UBE2H: variants seen among roughly 807,000 people sequenced by gnomAD.
The protein encoded by UBE2H is ubiquitin conjugating enzyme E2 H.
Under a neutral mutation model 29.0 loss-of-function variants are expected in UBE2H, and 3 were observed. That is an observed-to-expected ratio of 0.10 (90% CI 0.05 to 0.27). UBE2H has a LOEUF of 0.27. Among genes scored for constraint, UBE2H ranks in the 10% least tolerant of loss-of-function variants. UBE2H has a pLI of 1.00. For synonymous variants in UBE2H, 69 were observed against 82.9 expected, an observed-to-expected ratio of 0.83 and a Z score of 0.91; for missense variants, 68 against 228.2, an observed-to-expected ratio of 0.30 and a Z score of 4.52.
chr7:129,876,018 C>T (rs191527541), intron 3 of UBE2H, among the ~76,000 whole-genome samples: 48 of 152,276 alleles, frequency 3.2e-4, no homozygotes, highest in African/African-American at 1.2e-3. Context: ...TACGCTCTCT[C>T]TTCTAAATTG....
At chr7:129,940,688 T>C (rs1247836760) in intron 1 of UBE2H, among the ~76,000 whole-genome samples, 1 of 152,160 alleles carries the variant, frequency 6.6e-6, no homozygotes, top group Non-Finnish European at 1.5e-5. Flanking sequence ...CCCCAGGCTC[T>C]TGAGGATTTG....
chr7:129,895,584 T>C (rs12533290), intron 1 of UBE2H, among the ~76,000 whole-genome samples: 9,497 of 151,920 alleles, frequency 0.063, 366 homozygotes, highest in Non-Finnish European at 0.092. Flanking sequence ...CCCAACTCCC[T>C]CTCCCCAAAA....
chr7:129,931,884 G>A (rs1807409587), intron 1 of UBE2H, among the ~76,000 whole-genome samples: 1 of 143,680 alleles, frequency 7.0e-6, no homozygotes, highest in African/African-American at 2.6e-5. Context: ...CACCCAGGCT[G>A]GAGTGCAGTG....
chr7:129,922,902 CTTTT>C (rs764774966), intron 1 of UBE2H, among the ~76,000 whole-genome samples: 2 of 151,472 alleles, frequency 1.3e-5, no homozygotes, highest in East Asian at 3.9e-4. Context: ...TGAGATTTTT[CTTTT>C]TTTTCTTTTT....
intron 6 of UBE2H, among the ~76,000 whole-genome samples, chr7:129,835,597 C>T (rs1281799254): frequency 1.3e-5 from 2 of 152,164 alleles, no homozygotes; most frequent in African/African-American, 2.4e-5. Context: ...GACTAAGCTG[C>T]TATACGGAGA....
rs539303082 is a variant in UBE2H, at chr7:129,952,662, A to G, written c.-107T>C. The G allele has an allele frequency of 4.5e-5, 61 of 1,350,044 alleles. No homozygotes were observed. The South Asian group carries it at 8.6e-4, about 19-fold the overall frequency. The allele number at this position is 1,350,044 out of a possible 1,614,324, so 83.6% of individuals were successfully genotyped here. ...CCGGCTCCTCGGTGGAGGTGGCAAC[A>G]CCCCCGCGGTCCCGGCGGTCCCGTC... On this transcript the variant is annotated 5_prime_UTR_variant, in exon 1 of 7. Transcript: ENST00000355621.
chr7:129,857,239 ATGTGTGTGCGCATGTACT>A, intron 5 of UBE2H: 1 of 424,378 alleles, frequency 2.4e-6, no homozygotes. Context: ...ACATGTATTC[ATGTGTGTGCGCATGTACT>A]CATGTGTGTG....
chr7:129,857,647 G>A, intron 4 of UBE2H, 84 bp from the exon 5 acceptor site: 1 of 1,394,938 alleles, frequency 7.2e-7, no homozygotes, highest in South Asian at 1.2e-5. Flanking sequence ...TACTTATCAA[G>A]AGAAATACTT....
chr7:129,901,715 C>G (rs1340070007), intron 1 of UBE2H, among the ~76,000 whole-genome samples: 1 of 152,182 alleles, frequency 6.6e-6, no homozygotes, highest in African/African-American at 2.4e-5. Context: ...CTGCCTCAGC[C>G]TCCTGAATAG....
At chr7:129,950,448 C>A (rs541764805) in intron 1 of UBE2H, among the ~76,000 whole-genome samples, 1 of 152,158 alleles carries the variant, frequency 6.6e-6, no homozygotes, top group African/African-American at 2.4e-5. Context: ...TCCCTCTCCA[C>A]CCCCCACACC....
At chr7:129,904,578 C>A (rs977774518) in intron 1 of UBE2H, among the ~76,000 whole-genome samples, 1 of 152,198 alleles carries the variant, frequency 6.6e-6, no homozygotes, top group African/African-American at 2.4e-5. Context: ...TCCTCCCTCA[C>A]CTCGAACGAA....
intron 3 of UBE2H, among the ~76,000 whole-genome samples, chr7:129,866,272 A>G (rs1303571474): frequency 6.6e-6 from 1 of 152,160 alleles, no homozygotes; most frequent in African/African-American, 2.4e-5. Context: ...TCTCTCTGGT[A>G]ATATAGAGTC....
At chr7:129,860,996 T>TGG (rs1011501805) in intron 3 of UBE2H, among the ~76,000 whole-genome samples, 1 of 152,068 alleles carries the variant, frequency 6.6e-6, no homozygotes. Flanking sequence ...CCAAGGTGGG[T>TGG]GGATCACCTG....
At chr7:129,922,660 C>G (rs911543894) in intron 1 of UBE2H, among the ~76,000 whole-genome samples, 5 of 152,018 alleles carry the variant, frequency 3.3e-5, no homozygotes, top group African/African-American at 1.2e-4. Flanking sequence ...ATGGCTCAGC[C>G]AAAAATATGA....
intron 1 of UBE2H, among the ~76,000 whole-genome samples, chr7:129,942,315 A>G (rs950873167): frequency 6.8e-6 from 1 of 147,038 alleles, no homozygotes; most frequent in African/African-American, 2.5e-5. Context: ...CAGGGGGATC[A>G]CCTCTCTACT....
chr7:129,868,997 C>T (rs1344786145), intron 3 of UBE2H, among the ~76,000 whole-genome samples: 1 of 147,778 alleles, frequency 6.8e-6, no homozygotes, highest in Non-Finnish European at 1.5e-5. Context: ...AGTGCAATGG[C>T]GCGATCTCGG....
chr7:129,862,362 G>A (rs1409735729), intron 3 of UBE2H, among the ~76,000 whole-genome samples: 1 of 152,174 alleles, frequency 6.6e-6, no homozygotes, highest in African/African-American at 2.4e-5. Context: ...GAGAAGCACT[G>A]GGAAGTTTTC....
intron 3 of UBE2H, among the ~76,000 whole-genome samples, chr7:129,860,467 G>A (rs1805779487): frequency 6.6e-6 from 1 of 152,212 alleles, no homozygotes; most frequent in Non-Finnish European, 1.5e-5. Context: ...TTGGTATTAA[G>A]AGGAGAAAAA....
chr7:129,905,348 C>T (rs974935157), intron 1 of UBE2H, among the ~76,000 whole-genome samples: 9 of 152,020 alleles, frequency 5.9e-5, no homozygotes, highest in African/African-American at 2.2e-4. Context: ...ACATTTGATT[C>T]ATCTCATTGT....
Sources: allele counts gnomAD v4.1 joint callset (sites outside exome capture counted in the v4.1 genomes callset), GRCh38; gene constraint gnomAD v4.1.1; transcripts MANE v1.5; gene names NCBI Gene and HGNC (gene_info 2026-07-23, HGNC 2026-07-21).